PRKCB: variants seen among roughly 807,000 people sequenced by gnomAD.
The protein encoded by PRKCB is protein kinase C beta type.
In PRKCB, 13 loss-of-function variants were observed where a neutral mutation model predicts 81.5. The observed-to-expected ratio is 0.16, with a 90% confidence interval of 0.10 to 0.25. PRKCB has a LOEUF of 0.25. Ranked by LOEUF, PRKCB falls within the 10% of genes least tolerant of loss-of-function variation. The pLI, the probability that PRKCB is intolerant of heterozygous loss-of-function variation, is 1.00. For missense variants in PRKCB, 509 were observed against 875.7 expected, an observed-to-expected ratio of 0.58 and a Z score of 5.29; for synonymous variants, 335 against 321.4, an observed-to-expected ratio of 1.04 and a Z score of -0.45.
intron 3 of PRKCB, among the ~76,000 whole-genome samples, chr16:24,023,803 ATCTGCC>A (rs892546544): frequency 6.6e-6 from 1 of 152,190 alleles, no homozygotes; most frequent in African/African-American, 2.4e-5. Flanking sequence ...ACTTACCCAT[ATCTGCC>A]TCTGCCAGCT....
At chr16:23,956,909 G>A (rs1268658487) in intron 2 of PRKCB, among the ~76,000 whole-genome samples, 1 of 141,076 alleles carries the variant, frequency 7.1e-6, no homozygotes, top group Non-Finnish European at 1.5e-5. Context: ...GGGAGGCCAT[G>A]TGGAAGGATG....
intron 2 of PRKCB, among the ~76,000 whole-genome samples, chr16:23,898,881 A>G (rs1157448747): frequency 1.3e-5 from 2 of 152,212 alleles, no homozygotes; most frequent in Non-Finnish European, 2.9e-5. Context: ...CTATGCATCT[A>G]TAAAATGGGG....
intron 7 of PRKCB, chr16:24,099,722 C>T (rs910909250): frequency 1.3e-5 from 2 of 152,160 alleles, no homozygotes; most frequent in African/African-American, 4.8e-5. Context: ...CCTGCAATCC[C>T]AGCACTTTGG....
rs58292773 is a variant in PRKCB at position 24,021,188 on chromosome 16, C to CTCTTTCTT, written c.289-10909_289-10902dup. 6.2e-3 allele frequency among the ~76,000 whole-genome samples: 388 copies of CTCTTTCTT among 62,116 alleles called. 11 individuals carry two copies. The highest frequency in any genetic ancestry group is 9.7e-3 in the African/African-American group (134 of 13,790). 40.8% of individuals were successfully genotyped at this position (62,116 alleles called of 152,430 possible). On this transcript the variant is annotated intron_variant, in intron 3 of 16. Coordinates refer to ENST00000643927, the MANE Select transcript of PRKCB (RefSeq NM_002738.7). The stretch of plus-strand genomic sequence containing the variant: ...CTCTCTCCCTCCCTTCCCTTCCTTC[C>CTCTTTCTT]TCTTTCTTTCTTTCTTTCTTTCTTT...
At chr16:23,965,591 A>T (rs1438682692) in intron 2 of PRKCB, among the ~76,000 whole-genome samples, 1 of 152,252 alleles carries the variant, frequency 6.6e-6, no homozygotes, top group African/African-American at 2.4e-5. Context: ...TGAAAATTAG[A>T]TCGGCCGCAT....
chr16:24,178,608 A>C (rs1218381031), intron 12 of PRKCB, among the ~76,000 whole-genome samples: 1 of 152,244 alleles, frequency 6.6e-6, no homozygotes, highest in African/African-American at 2.4e-5. Flanking sequence ...AATTGCTGCA[A>C]AGCCTGGGTT....
intron 2 of PRKCB, among the ~76,000 whole-genome samples, chr16:23,944,809 C>A (rs1315505373): frequency 6.6e-6 from 1 of 152,206 alleles, no homozygotes; most frequent in Non-Finnish European, 1.5e-5. Context: ...GGTCAATCTT[C>A]CAAAAGCTGA....
chr16:24,176,150 T>C (rs900330538), intron 12 of PRKCB, among the ~76,000 whole-genome samples: 4 of 151,924 alleles, frequency 2.6e-5, no homozygotes, highest in African/African-American at 4.8e-5. Flanking sequence ...ATGGAATCTA[T>C]AGGGGGAAGG....
At chr16:23,959,482 C>G (rs559758078) in intron 2 of PRKCB, among the ~76,000 whole-genome samples, 33 of 152,302 alleles carry the variant, frequency 2.2e-4, no homozygotes, top group Non-Finnish European at 3.7e-4. Flanking sequence ...GCTTTGTTTC[C>G]CATAGTGGGA....
At chr16:24,022,045 G>A (rs866800814) in intron 3 of PRKCB, among the ~76,000 whole-genome samples, 2 of 152,322 alleles carry the variant, frequency 1.3e-5, no homozygotes, top group South Asian at 4.1e-4. Flanking sequence ...ATACTGGGAA[G>A]AGGAATCGTG....
chr16:24,019,605 A>G (rs1455780792), intron 3 of PRKCB, among the ~76,000 whole-genome samples: 1 of 152,042 alleles, frequency 6.6e-6, no homozygotes, highest in Non-Finnish European at 1.5e-5. Flanking sequence ...CTCTGCAAAA[A>G]ATATAAAAAG....
chr16:23,927,140 G>A (rs1027921253), intron 2 of PRKCB, among the ~76,000 whole-genome samples: 52 of 152,068 alleles, frequency 3.4e-4, no homozygotes, highest in African/African-American at 7.2e-4. Context: ...TGGTGTGAGC[G>A]TAGAGTTGGG....
chr16:23,857,744 G>C (rs1236681141), intron 2 of PRKCB, among the ~76,000 whole-genome samples: 3 of 152,110 alleles, frequency 2.0e-5, no homozygotes, highest in African/African-American at 7.2e-5. Flanking sequence ...GGGTGTGTGC[G>C]CACGTGCGTC....
chr16:23,907,618 T>C (rs1311003619), intron 2 of PRKCB, among the ~76,000 whole-genome samples: 1 of 152,240 alleles, frequency 6.6e-6, no homozygotes, highest in Non-Finnish European at 1.5e-5. Context: ...TCTGAGAGTC[T>C]GTCATCAGCA....
At chr16:24,147,073 C>T (rs1318051546) in intron 9 of PRKCB, among the ~76,000 whole-genome samples, 2 of 152,074 alleles carry the variant, frequency 1.3e-5, no homozygotes, top group Non-Finnish European at 1.5e-5. Context: ...CTTTGGGAGG[C>T]TGAGGCGGGC....
chr16:24,011,644 G>A (rs1283842707), intron 3 of PRKCB, among the ~76,000 whole-genome samples: 1 of 152,128 alleles, frequency 6.6e-6, no homozygotes, highest in Non-Finnish European at 1.5e-5. Context: ...AGCCTCCTGA[G>A]TGGTTAGGAC....
intron 5 of PRKCB, among the ~76,000 whole-genome samples, chr16:24,072,322 C>T (rs910427799): frequency 4.6e-5 from 7 of 152,140 alleles, no homozygotes; most frequent in African/African-American, 1.7e-4. Context: ...GGCTGGAGTG[C>T]AGTGGTACGA....
At chr16:23,898,768 C>A (rs1044000864) in intron 2 of PRKCB, among the ~76,000 whole-genome samples, 7 of 152,110 alleles carry the variant, frequency 4.6e-5, no homozygotes, top group African/African-American at 1.7e-4. Context: ...ATATGAGTAA[C>A]AATGGCAACT....
In PRKCB at chr16:24,027,795, G is replaced by C. The variant is rs147836458; in HGVS notation, c.289-4341G>C. On this transcript the variant is annotated intron_variant, in intron 3 of 16. Transcript: ENST00000643927. ...CTTTAAACAATTTTTTTTGAGACAGGGTCTTGCTCTCCCACCCATGCTGGA... is the reference window on the plus strand; with the variant it reads ...CTTTAAACAATTTTTTTTGAGACAGCGTCTTGCTCTCCCACCCATGCTGGA... Among the ~76,000 whole-genome samples, 1,116 of 152,156 alleles carry C rather than the reference G, an allele frequency of 7.3e-3. 9 individuals are homozygous for C. The highest frequency in any genetic ancestry group is 0.013 in the African/African-American group (555 of 41,526).
Sources: gnomAD v4.1 joint callset for allele counts (sites outside exome capture counted in the v4.1 genomes callset) on GRCh38, gnomAD v4.1.1 for gene constraint, MANE v1.5 for transcripts, NCBI Gene and HGNC (gene_info 2026-07-23, HGNC 2026-07-21) for gene names.